The following SLC39A11 variants were observed in gnomAD, a reference collection of about 807,000 sequenced individuals.
SLC39A11 encodes the protein solute carrier family 39 member 11.
In SLC39A11, 33 loss-of-function variants were observed where a neutral mutation model predicts 36.1. That is an observed-to-expected ratio of 0.91 (90% CI 0.69 to 1.22). The LOEUF (loss-of-function observed/expected upper bound fraction) is 1.22. Ranked by LOEUF, SLC39A11 falls within the 50% of genes most tolerant of loss-of-function variation. The pLI, the probability that SLC39A11 is intolerant of heterozygous loss-of-function variation, is 0.00. For synonymous variants in SLC39A11, 166 were observed against 170.3 expected (o/e 0.97, Z 0.20); for missense variants, 432 against 430.3 (o/e 1.00, Z -0.03).
At chr17:72,715,062 G>A (rs2073292953) in intron 7 of SLC39A11, among the ~76,000 whole-genome samples, 1 of 152,120 alleles carries the variant, frequency 6.6e-6, no homozygotes, top group African/African-American at 2.4e-5. Flanking sequence ...CCACGGGTGT[G>A]CGACCAGTGC....
At chr17:72,903,260 T>A (rs1430056658) in intron 5 of SLC39A11, among the ~76,000 whole-genome samples, 1 of 128,406 alleles carries the variant, frequency 7.8e-6, no homozygotes, top group Admixed American at 8.3e-5. Context: ...AGCAAGACTC[T>A]GTCTCGAAAA....
chr17:72,842,164 A>G (rs948037092), intron 6 of SLC39A11, among the ~76,000 whole-genome samples: 9 of 152,142 alleles, frequency 5.9e-5, no homozygotes, highest in African/African-American at 1.9e-4. Context: ...ACTGACAAAA[A>G]TTAAAAATAA....
chr17:72,983,155 T>C (rs1481052350), intron 4 of SLC39A11, among the ~76,000 whole-genome samples: 1 of 147,580 alleles, frequency 6.8e-6, no homozygotes, highest in Admixed American at 6.7e-5. Context: ...TATTTGTTTT[T>C]GTTTTTTTTT....
At chr17:72,792,904 C>A (rs1305839223) in intron 6 of SLC39A11, among the ~76,000 whole-genome samples, 1 of 152,182 alleles carries the variant, frequency 6.6e-6, no homozygotes, top group Non-Finnish European at 1.5e-5. Context: ...GGCACTGACT[C>A]TTTTTGCAGA....
At chr17:72,734,308 G>A (rs1380977519) in intron 7 of SLC39A11, among the ~76,000 whole-genome samples, 1 of 152,180 alleles carries the variant, frequency 6.6e-6, no homozygotes, top group East Asian at 1.9e-4. Flanking sequence ...GTCTGCTTGA[G>A]GGAATGTTCT....
chr17:72,750,588 G>A (rs1184511760), intron 6 of SLC39A11, among the ~76,000 whole-genome samples: 1 of 151,760 alleles, frequency 6.6e-6, no homozygotes, highest in Non-Finnish European at 1.5e-5. Context: ...AATAACCTAA[G>A]ATACAGGTTC....
chr17:72,724,980 G>C (rs1015290088), intron 7 of SLC39A11, among the ~76,000 whole-genome samples: 4 of 152,212 alleles, frequency 2.6e-5, no homozygotes, highest in Non-Finnish European at 5.9e-5. Context: ...TGAAGGGATG[G>C]ATGGATGGAC....
intron 7 of SLC39A11, among the ~76,000 whole-genome samples, chr17:72,707,510 T>C (rs1239766172): frequency 6.6e-6 from 1 of 152,218 alleles, no homozygotes; most frequent in Non-Finnish European, 1.5e-5. Flanking sequence ...TGTATACATG[T>C]ATAGGCAGGG....
At chr17:72,939,766 C>T (rs1366241605) in intron 5 of SLC39A11, among the ~76,000 whole-genome samples, 1 of 152,134 alleles carries the variant, frequency 6.6e-6, no homozygotes, top group Non-Finnish European at 1.5e-5. Flanking sequence ...CTCAGACTTC[C>T]GGCCTCCAAA....
At chr17:72,747,120 G>A (rs1213832958) in intron 6 of SLC39A11, among the ~76,000 whole-genome samples, 1 of 152,154 alleles carries the variant, frequency 6.6e-6, no homozygotes. Context: ...GGGGCTTTGG[G>A]GACAGGGTGT....
intron 3 of SLC39A11, chr17:73,072,143 T>C (rs2060180052): frequency 6.6e-6 from 1 of 152,202 alleles, no homozygotes; most frequent in Non-Finnish European, 1.5e-5. Context: ...ATCAATCACA[T>C]ATACTCATTC....
At chr17:72,864,260 C>T (rs899884110) in intron 5 of SLC39A11, among the ~76,000 whole-genome samples, 1 of 151,962 alleles carries the variant, frequency 6.6e-6, no homozygotes, top group African/African-American at 2.4e-5. Flanking sequence ...CTGGCCTCAT[C>T]CACCAGATAG....
Position 72,766,577 on chromosome 17 carries a change from A to C in SLC39A11, c.602-29858T>G, listed in dbSNP as rs569555510. On this transcript the variant is annotated intron_variant, in intron 6 of 9. Coordinates refer to ENST00000255559, the MANE Select transcript of SLC39A11 (RefSeq NM_139177.4). The stretch of plus-strand genomic sequence containing the variant: ...CCTACTTATCACTGCTTCTTCTGCT[A>C]GTGGCTCTTTCTCTCTCCTTTCTGC... 9.4e-4 allele frequency among the ~76,000 whole-genome samples: 143 copies of C among 152,250 alleles called. 1 individual carries two copies. Among genetic ancestry groups the C allele is most frequent in the African/African-American group, 3.2e-3 (134 of 41,552 alleles).
intron 4 of SLC39A11, among the ~76,000 whole-genome samples, chr17:72,964,103 T>C (rs2086807231): frequency 6.6e-6 from 1 of 152,048 alleles, no homozygotes; most frequent in Non-Finnish European, 1.5e-5. Context: ...CCTCGTACGA[T>C]GCAAGTGCCA....
intron 3 of SLC39A11, chr17:73,067,726 T>C: frequency 1.4e-6 from 1 of 718,294 alleles, no homozygotes; most frequent in Non-Finnish European, 2.4e-6. Flanking sequence ...GCTATGGATG[T>C]TTTCTTATGC....
intron 6 of SLC39A11, among the ~76,000 whole-genome samples, chr17:72,756,326 G>A (rs2075362648): frequency 6.6e-6 from 1 of 152,236 alleles, no homozygotes; most frequent in Admixed American, 6.5e-5. Flanking sequence ...AGAGATACTT[G>A]CCTACCTACA....
chr17:72,904,659 C>T (rs550713883), intron 5 of SLC39A11, among the ~76,000 whole-genome samples: 2 of 152,304 alleles, frequency 1.3e-5, no homozygotes, highest in African/African-American at 4.8e-5. Flanking sequence ...CTAACTGGGC[C>T]CCGGTTTGTT....
intron 6 of SLC39A11, among the ~76,000 whole-genome samples, chr17:72,775,674 C>T (rs2076107901): frequency 6.6e-6 from 1 of 152,186 alleles, no homozygotes; most frequent in Non-Finnish European, 1.5e-5. Flanking sequence ...TCTCAAGCTT[C>T]AAGACACAAG....
At chr17:72,943,112 G>C (rs2085216980) in intron 5 of SLC39A11, among the ~76,000 whole-genome samples, 2 of 152,198 alleles carry the variant, frequency 1.3e-5, no homozygotes, top group East Asian at 1.9e-4. Context: ...GGAGAAGAGA[G>C]AGTGTCTTGA....
Sources: allele counts gnomAD v4.1 joint callset (sites outside exome capture counted in the v4.1 genomes callset), GRCh38; gene constraint gnomAD v4.1.1; transcripts MANE v1.5; gene names NCBI Gene and HGNC (gene_info 2026-07-23, HGNC 2026-07-21).